SPAG16: variants seen among roughly 807,000 people sequenced by gnomAD.
SPAG16 encodes the protein sperm-associated antigen 16 protein.
Under a neutral mutation model 80.4 loss-of-function variants are expected in SPAG16, and 86 were observed. That is an observed-to-expected ratio of 1.07 (90% CI 0.90 to 1.28). SPAG16 has a LOEUF of 1.28. SPAG16 is among the 50% of genes most tolerant of loss of function. The pLI is 0.00. For missense variants in SPAG16, 870 were observed against 765.3 expected, an observed-to-expected ratio of 1.14 and a Z score of -1.61; for synonymous variants, 294 against 265.9, an observed-to-expected ratio of 1.11 and a Z score of -1.03.
At chr2:213,645,431 G>C (rs2062784909) in intron 10 of SPAG16, among the ~76,000 whole-genome samples, 1 of 152,136 alleles carries the variant, frequency 6.6e-6, no homozygotes, top group Non-Finnish European at 1.5e-5. Context: ...ATCGCTGCTG[G>C]TTATTCAGGG....
chr2:213,541,844 T>C (rs996301481), intron 10 of SPAG16, among the ~76,000 whole-genome samples: 2 of 152,204 alleles, frequency 1.3e-5, no homozygotes, highest in African/African-American at 4.8e-5. Flanking sequence ...AGTTGAGAAA[T>C]TGTTTTTTCC....
At chr2:213,941,596 T>G (rs574351716) in intron 12 of SPAG16, among the ~76,000 whole-genome samples, 2 of 152,278 alleles carry the variant, frequency 1.3e-5, no homozygotes, top group South Asian at 4.1e-4. Flanking sequence ...GGGAAAGTAG[T>G]AAACATTTGT....
chr2:214,116,783 T>C (rs2053955106), intron 14 of SPAG16, among the ~76,000 whole-genome samples: 1 of 152,192 alleles, frequency 6.6e-6, no homozygotes. Flanking sequence ...ACAGCAAACC[T>C]GGGCTGAGAG....
At chr2:214,340,432 G>C (rs1697592047) in intron 15 of SPAG16, among the ~76,000 whole-genome samples, 2 of 152,166 alleles carry the variant, frequency 1.3e-5, no homozygotes, top group South Asian at 2.1e-4. Flanking sequence ...AAATGAATCT[G>C]AATATAACAA....
chr2:213,740,585 A>G (rs1480347557), intron 10 of SPAG16, among the ~76,000 whole-genome samples: 7 of 152,232 alleles, frequency 4.6e-5, no homozygotes, highest in African/African-American at 1.4e-4. Flanking sequence ...GCAAATGAAT[A>G]AACTCCAGGG....
At chr2:213,492,270 G>GT (rs1197830668) in intron 10 of SPAG16, among the ~76,000 whole-genome samples, 3 of 152,102 alleles carry the variant, frequency 2.0e-5, no homozygotes, top group African/African-American at 7.2e-5. Context: ...TTTAAAACCA[G>GT]TGGCCGGGTG....
At chr2:214,140,978 A>T (rs2055329677) in intron 14 of SPAG16, among the ~76,000 whole-genome samples, 2 of 144,736 alleles carry the variant, frequency 1.4e-5, no homozygotes, top group South Asian at 2.2e-4. Context: ...AGAGAGAGAG[A>T]TATATATTTC....
At chr2:214,300,342 T>C (rs1694458957) in intron 15 of SPAG16, among the ~76,000 whole-genome samples, 1 of 152,166 alleles carries the variant, frequency 6.6e-6, no homozygotes, top group African/African-American at 2.4e-5. Flanking sequence ...TAAGTAAAAT[T>C]TAAAAATTAT....
At chr2:213,642,201 G>A (rs2125115409) in intron 10 of SPAG16, among the ~76,000 whole-genome samples, 1 of 152,312 alleles carries the variant, frequency 6.6e-6, no homozygotes, top group Middle Eastern at 3.4e-3. Context: ...GGAGGTTGCA[G>A]CAGCAAGCCA....
rs184300490 is a variant in SPAG16 at position 214,216,217 on chromosome 2, T to C, written c.1720+66951T>C. ...TGTGAAATTTCAGATATTGGCAAAA[T>C]ACATAAATAGTATCTTATAATGAAT... On this transcript the variant is annotated intron_variant, in intron 15 of 15. Coordinates refer to ENST00000331683, the MANE Select transcript of SPAG16 (RefSeq NM_024532.5). Among the ~76,000 whole-genome samples the C allele has an allele frequency of 1.5e-3, 224 of 152,284 alleles. 1 individual carries two copies. Among genetic ancestry groups the C allele is most frequent in the Admixed American group, 2.9e-3 (45 of 15,290 alleles).
intron 9 of SPAG16, among the ~76,000 whole-genome samples, chr2:213,465,708 C>T (rs1254674807): frequency 6.6e-6 from 1 of 152,186 alleles, no homozygotes; most frequent in Non-Finnish European, 1.5e-5. Flanking sequence ...ACTTAGTAGC[C>T]TCTGGCACCA....
chr2:213,550,994 G>T (rs1366364845), intron 10 of SPAG16, among the ~76,000 whole-genome samples: 2 of 151,800 alleles, frequency 1.3e-5, no homozygotes, highest in African/African-American at 4.8e-5. Context: ...TACTATAATT[G>T]AGAGATAGCT....
chr2:213,426,227 T>G (rs2069903751), intron 9 of SPAG16, among the ~76,000 whole-genome samples: 1 of 152,106 alleles, frequency 6.6e-6, no homozygotes, highest in Non-Finnish European at 1.5e-5. Flanking sequence ...TTTTGGCAGT[T>G]TTCTATTATT....
chr2:214,186,157 A>C (rs1382263785), intron 15 of SPAG16, among the ~76,000 whole-genome samples: 1 of 152,164 alleles, frequency 6.6e-6, no homozygotes, highest in Non-Finnish European at 1.5e-5. Flanking sequence ...TCAAGTATTA[A>C]AAGAATTCCC....
At chr2:213,967,497 A>G (rs1295660507) in intron 12 of SPAG16, among the ~76,000 whole-genome samples, 1 of 152,216 alleles carries the variant, frequency 6.6e-6, no homozygotes, top group Non-Finnish European at 1.5e-5. Context: ...ATACTACTAT[A>G]TACAGCTAAT....
At chr2:214,283,279 A>G (rs17767313) in intron 15 of SPAG16, among the ~76,000 whole-genome samples, 13,680 of 152,140 alleles carry the variant, frequency 0.09, 822 homozygotes, top group Non-Finnish European at 0.14. Flanking sequence ...AAAAGTGTAA[A>G]GACTTTGGTC....
At chr2:213,354,912 G>A (rs2065544022) in intron 7 of SPAG16, among the ~76,000 whole-genome samples, 1 of 152,068 alleles carries the variant, frequency 6.6e-6, no homozygotes, top group Admixed American at 6.5e-5. Flanking sequence ...CATTGCTTTT[G>A]GTGTTTTAGT....
chr2:213,548,922 T>C (rs2076700648), intron 10 of SPAG16, among the ~76,000 whole-genome samples: 1 of 152,086 alleles, frequency 6.6e-6, no homozygotes, highest in Non-Finnish European at 1.5e-5. Flanking sequence ...TATTTTAATA[T>C]AAATGCATTT....
intron 11 of SPAG16, among the ~76,000 whole-genome samples, chr2:213,889,213 A>G (rs1338388501): frequency 1.3e-5 from 2 of 151,980 alleles, no homozygotes; most frequent in Non-Finnish European, 2.9e-5. Flanking sequence ...ATGTAAAATA[A>G]ATCATTTTAA....
Sources: gnomAD v4.1 joint callset for allele counts (sites outside exome capture counted in the v4.1 genomes callset) on GRCh38, gnomAD v4.1.1 for gene constraint, MANE v1.5 for transcripts, NCBI Gene and HGNC (gene_info 2026-07-23, HGNC 2026-07-21) for gene names.